PSIP1: variants seen among roughly 807,000 people sequenced by gnomAD.
The protein encoded by PSIP1 is PC4 and SRSF1 interacting protein 1.
In PSIP1, 19 loss-of-function variants were observed where a neutral mutation model predicts 74.7. That is an observed-to-expected ratio of 0.25 (90% CI 0.18 to 0.37). PSIP1 has a LOEUF of 0.37. Ranked by LOEUF, PSIP1 falls within the 10% of genes least tolerant of loss-of-function variation. The pLI is 1.00. For synonymous variants in PSIP1, 222 were observed against 195.3 expected, an observed-to-expected ratio of 1.14 and a Z score of -1.14; for missense variants, 601 against 614.3, an observed-to-expected ratio of 0.98 and a Z score of 0.23.
intron 14 of PSIP1, among the ~76,000 whole-genome samples, chr9:15,467,268 A>T (rs952522434): frequency 6.6e-6 from 1 of 152,204 alleles, no homozygotes; most frequent in East Asian, 1.9e-4. Context: ...ATTTTAGAAC[A>T]AAGTGCTAAA....
At chr9:15,489,874 C>A in intron 4 of PSIP1, 112 bp downstream of exon 4, 1 of 903,890 alleles carries the variant, frequency 1.1e-6, no homozygotes, top group South Asian at 2.5e-5. Context: ...AAGAACACAA[C>A]AAACTAGTAT....
At chr9:15,500,059 GTTT>G (rs1156537765) in intron 3 of PSIP1, among the ~76,000 whole-genome samples, 1 of 151,988 alleles carries the variant, frequency 6.6e-6, no homozygotes, top group East Asian at 1.9e-4. Context: ...AAATATGAAA[GTTT>G]ATTATAAATA....
rs762470450 is a variant in PSIP1, at chr9:15,474,156, G to A, written c.711C>T (p.Gly237=). ...PKKQPKKDEE[G]QKEEDKPRKE... The stretch of plus-strand genomic sequence containing the variant: ...TTCTTGGCTTATCTTCTTCCTTCTG[G>A]CCCTCTTCATCCTTCTTAGGCTGCT... Residue 237 remains glycine (G), a synonymous_variant, in exon 9 of 16, where the codon GGC becomes GGT. Transcript: ENST00000380733. 5 of 1,612,094 alleles carry A rather than the reference G, an allele frequency of 3.1e-6. No individual in the cohort carries two copies. The East Asian group carries it at 1.1e-4, about 36-fold the overall frequency.
chr9:15,475,684 T>C (rs7870534), intron 8 of PSIP1, among the ~76,000 whole-genome samples: 1,986 of 152,268 alleles, frequency 0.013, 42 homozygotes, highest in African/African-American at 0.045. Context: ...AAATTTATCC[T>C]AAGGTCATAA....
intron 2 of PSIP1, among the ~76,000 whole-genome samples, chr9:15,509,389 C>T (rs1163789691): frequency 6.6e-6 from 1 of 152,112 alleles, no homozygotes; most frequent in African/African-American, 2.4e-5. Context: ...AGTCTCAATT[C>T]CTCAATGTCA....
chr9:15,476,110 C>T (rs1473123681), intron 8 of PSIP1, among the ~76,000 whole-genome samples: 1 of 152,148 alleles, frequency 6.6e-6, no homozygotes, highest in Non-Finnish European at 1.5e-5. Context: ...TTTAGTTCTG[C>T]ACTCCACTGA....
At chr9:15,489,209 G>C (rs1350931331) in intron 4 of PSIP1, 1 of 152,112 alleles carries the variant, frequency 6.6e-6, no homozygotes, top group Non-Finnish European at 1.5e-5. Flanking sequence ...GAAGGTATAA[G>C]GTGGCTGCTG....
chr9:15,480,930 A>G lies in PSIP1; in HGVS notation c.457-1243T>C, dbSNP rs577620714. 3.9e-5 allele frequency among the ~76,000 whole-genome samples: 6 copies of G among 152,190 alleles called. No homozygotes were observed. In the South Asian group the frequency reaches 1.2e-3, roughly 31 times the overall value. ...AGCAAGACTGTCTCAAAAAAACAAA[A>G]CAAAACAAAAAACCTTTATATGGCA... On this transcript the variant is annotated intron_variant, in intron 6 of 15. Transcript: ENST00000380733.
chr9:15,464,392 T>TAATA lies in PSIP1; in HGVS notation c.*1124_*1127dup, dbSNP rs1365623177. ...CTTGCTGAGAAGTGCCAAATGACCC[T>TAATA]AATATTCAAAATATCTTAGAAATGC... On this transcript the variant is annotated 3_prime_UTR_variant, in exon 16 of 16. Transcript: ENST00000380733. The TAATA allele has an allele frequency of 1.0e-5, 2 of 196,032 alleles. No homozygotes were observed. Among genetic ancestry groups the TAATA allele is most frequent in the African/African-American group, 4.6e-5 (2 of 43,258 alleles). The allele number at this position is 196,032 out of a possible 1,614,324, so 12.1% of individuals were successfully genotyped here. A position where few individuals can be genotyped will look rare whatever the true frequency, so the allele number is the denominator to read the frequency against.
chr9:15,496,120 T>C (rs2037060909), intron 3 of PSIP1, among the ~76,000 whole-genome samples: 1 of 152,218 alleles, frequency 6.6e-6, no homozygotes, highest in African/African-American at 2.4e-5. Flanking sequence ...AGTGACATTA[T>C]ATGCACCTGT....
intron 15 of PSIP1, 150 bp from the exon 16 acceptor site, chr9:15,465,730 CATTATT>C: frequency 1.7e-6 from 1 of 580,818 alleles, no homozygotes; most frequent in Non-Finnish European, 2.9e-6. Flanking sequence ...TTAGAACAGT[CATTATT>C]ATTTTTTTCT....
rs971112658 is a variant in PSIP1, at chr9:15,510,866, A to C, written c.-191T>G. Reference sequence around the variant, plus strand: ...CTGCGGTTGCTGGCCGGTCGCCTCTACCCGCGTCCACGCAAGCCACCTGCG... The same window carrying C: ...CTGCGGTTGCTGGCCGGTCGCCTCTCCCCGCGTCCACGCAAGCCACCTGCG... On this transcript the variant is annotated 5_prime_UTR_variant, in exon 1 of 16. Transcript: ENST00000380733. 1 of 151,924 alleles carries C rather than the reference A, an allele frequency of 6.6e-6. No individual in the cohort carries two copies. The highest frequency in any genetic ancestry group is 2.4e-5 in the African/African-American group (1 of 41,328). The allele number at this position is 151,924 out of a possible 1,614,324, so 9.4% of individuals were successfully genotyped here. A position where few individuals can be genotyped will look rare whatever the true frequency, so the allele number is the denominator to read the frequency against.
chr9:15,477,691 A>C (rs1587477171), intron 8 of PSIP1, among the ~76,000 whole-genome samples: 1 of 152,092 alleles, frequency 6.6e-6, no homozygotes, highest in Non-Finnish European at 1.5e-5. Flanking sequence ...CAAGTAGAAA[A>C]GGCAGCAAGG....
At chr9:15,489,915 C>T in intron 4 of PSIP1, 71 bp downstream of exon 4, 2 of 1,259,456 alleles carry the variant, frequency 1.6e-6, no homozygotes, top group Non-Finnish European at 2.1e-6. Flanking sequence ...TATTTACTTT[C>T]CTACAGCTAG....
At chr9:15,490,149 G>C in intron 3 of PSIP1, 25 bp from the exon 4 acceptor site, 4 of 1,555,868 alleles carry the variant, frequency 2.6e-6, no homozygotes, top group Non-Finnish European at 3.5e-6. Flanking sequence ...GGGAAGATGT[G>C]AGTGCAAAGC....
At chr9:15,476,142 C>T (rs980134164) in intron 8 of PSIP1, among the ~76,000 whole-genome samples, 1 of 152,082 alleles carries the variant, frequency 6.6e-6, no homozygotes, top group Admixed American at 6.6e-5. Context: ...GATACACAGC[C>T]AAGAGTAGTT....
intron 2 of PSIP1, 53 bp from the exon 3 acceptor site, chr9:15,506,690 A>C (rs2037604638): frequency 2.3e-6 from 3 of 1,323,204 alleles, no homozygotes; most frequent in African/African-American, 1.5e-5. Flanking sequence ...ACACCTCAAC[A>C]TTTATCTGAA....
intron 1 of PSIP1, among the ~76,000 whole-genome samples, chr9:15,510,594 C>A (rs1347302147): frequency 6.6e-6 from 1 of 152,132 alleles, no homozygotes; most frequent in African/African-American, 2.4e-5. Flanking sequence ...TTCCACCGAG[C>A]TTAAGCCCCA....
At chr9:15,481,923 G>A (rs2036353617) in intron 6 of PSIP1, among the ~76,000 whole-genome samples, 1 of 152,012 alleles carries the variant, frequency 6.6e-6, no homozygotes, top group African/African-American at 2.4e-5. Flanking sequence ...GAAGTTATAC[G>A]AAACATATAT....
Sources: gnomAD v4.1 joint callset for allele counts (sites outside exome capture counted in the v4.1 genomes callset) on GRCh38, gnomAD v4.1.1 for gene constraint, MANE v1.5 for transcripts, NCBI Gene and HGNC (gene_info 2026-07-23, HGNC 2026-07-21) for gene names.